Variants in FERMT3 observed in about 807,000 individuals in gnomAD.
FERMT3 encodes fermitin family homolog 3.
A neutral mutation model predicts 80.8 loss-of-function variants in FERMT3; 33 were observed. That is an observed-to-expected ratio of 0.41 (90% CI 0.31 to 0.55). The LOEUF is 0.55. FERMT3 is among the 20% of genes least tolerant of loss of function. The probability of loss-of-function intolerance (pLI) is 0.31; values close to 1 mark genes in which losing one functional copy is unlikely to be tolerated. For synonymous variants in FERMT3, 375 were observed against 372.2 expected, an observed-to-expected ratio of 1.01 and a Z score of -0.09; for missense variants, 754 against 908.7, an observed-to-expected ratio of 0.83 and a Z score of 2.19.
intron 6 of FERMT3, among the ~76,000 whole-genome samples, chr11:64,212,547 A>G (rs1009187300): frequency 6.6e-6 from 1 of 152,190 alleles, no homozygotes; most frequent in African/African-American, 2.4e-5. Flanking sequence ...TTCCCTGGCC[A>G]TGTCCCACCC....
chr11:64,210,759 G>A lies in FERMT3; in HGVS notation c.309G>A (p.Arg103=). The change falls in exon 3 of 15, where the codon CGG becomes CGA. Residue 103 remains arginine, a synonymous_variant. Transcript: ENST00000345728. This position sits in a 1 kb window ranked among gnomAD's most constrained non-coding sequence, Gnocchi z 4.3. Reference sequence around the variant, plus strand: ...CCCAGCACCGGCCCGTCATCCTTCGGTTGCCCAACCGCCGCGCACTGCGCC... The same window carrying A: ...CCCAGCACCGGCCCGTCATCCTTCGATTGCCCAACCGCCGCGCACTGCGCC... ...FGPQHRPVIL[R]LPNRRALRLR... is the part of the protein sequence containing the mutation. The A allele has an allele frequency of 6.2e-7, 1 of 1,614,140 alleles. No homozygotes were observed. Among genetic ancestry groups the A allele is most frequent in the Non-Finnish European group, 8.5e-7 (1 of 1,180,032 alleles).
chr11:64,223,056 G>A lies in FERMT3; in HGVS notation c.1679G>A (p.Gly560Asp), dbSNP rs2134903804. The A allele has an allele frequency of 6.2e-7, 1 of 1,613,604 alleles. No homozygotes were observed. Among genetic ancestry groups the A allele is most frequent in the Non-Finnish European group, 8.5e-7 (1 of 1,180,026 alleles). ...GISYVMVRFK[G>D]SRKDEILGIA... ...CTCTCCCTGGGGGCCAGGTTCAAGGGCAGCAGGAAAGACGAGATCCTGGGC... is the reference window on the plus strand; with the variant it reads ...CTCTCCCTGGGGGCCAGGTTCAAGGACAGCAGGAAAGACGAGATCCTGGGC... The change falls in exon 14 of 15, where the codon GGC becomes GAC. Residue 560 changes from glycine (G) to aspartate (D), a missense_variant. By Grantham distance (94) the Gly-to-Asp change is moderately conservative. Coordinates refer to ENST00000345728, the MANE Select transcript of FERMT3 (RefSeq NM_031471.6).
At chr11:64,209,975 C>T (rs570036332) in intron 2 of FERMT3, among the ~76,000 whole-genome samples, 5 of 152,308 alleles carry the variant, frequency 3.3e-5, no homozygotes, top group African/African-American at 1.2e-4. Context: ...ATTCAATGCT[C>T]ACTCATGGAT....
chr11:64,222,568 A>C (rs1189355804), intron 13 of FERMT3, among the ~76,000 whole-genome samples: 1 of 149,070 alleles, frequency 6.7e-6, no homozygotes, highest in African/African-American at 2.5e-5. Context: ...CGTCTCAAAA[A>C]AAAAAAAAAA....
chr11:64,214,617 G>A (rs1483782089), intron 6 of FERMT3, among the ~76,000 whole-genome samples: 1 of 152,158 alleles, frequency 6.6e-6, no homozygotes, highest in Non-Finnish European at 1.5e-5. Flanking sequence ...AATATGCTGG[G>A]ATTACAGGCG....
Position 64,221,059 on chromosome 11 carries a change from TGTC to T in FERMT3, c.1591_1593del (p.Ser531del). On this transcript the variant is annotated inframe_deletion, in exon 13 of 15. Transcript: ENST00000345728. ...GAAGCCCACCAGAATGTGGCCCAGT[TGTC>T]GCTGGCAGAGGCCCAGCTGCGCTTC... The T allele has an allele frequency of 6.2e-7, 1 of 1,612,812 alleles. No individual in the cohort carries two copies. The highest frequency in any genetic ancestry group is 1.1e-5 in the South Asian group (1 of 91,088).
At chr11:64,212,895 A>T (rs1401545618) in intron 6 of FERMT3, among the ~76,000 whole-genome samples, 2 of 151,430 alleles carry the variant, frequency 1.3e-5, no homozygotes, top group African/African-American at 4.9e-5. Context: ...TTATATATTT[A>T]TTTATTTTTA....
At chr11:64,221,699 C>A (rs999732216) in intron 13 of FERMT3, among the ~76,000 whole-genome samples, 1 of 150,706 alleles carries the variant, frequency 6.6e-6, no homozygotes, top group East Asian at 1.9e-4. Flanking sequence ...GAGGCCGAGG[C>A]GGGCAGATCA....
At chr11:64,216,866 G>T (rs1479746107) in intron 6 of FERMT3, among the ~76,000 whole-genome samples, 1 of 148,170 alleles carries the variant, frequency 6.7e-6, no homozygotes, top group Non-Finnish European at 1.5e-5. Flanking sequence ...CAAGGATTTT[G>T]ATTCACGTTT....
Position 64,211,043 on chromosome 11 carries a change from T to TC in FERMT3, c.395-5dup, listed in dbSNP as rs922178153. 1 of 1,603,416 alleles carries TC rather than the reference T, an allele frequency of 6.2e-7. No individual in the cohort carries two copies. The highest frequency in any genetic ancestry group is 8.5e-7 in the Non-Finnish European group (1 of 1,175,392). On this transcript the variant is annotated splice_polypyrimidine_tract_variant and intron_variant, in intron 3 of 14. Transcript: ENST00000345728. The surrounding 1 kb of genome is among the most constrained non-coding windows in gnomAD (Gnocchi z 4.7). The stretch of plus-strand genomic sequence containing the variant: ...ACCTAGTCCCCGCTGAGACCCTAGC[T>TC]CCCCTCAGGCATCCGGCACCCCGAG...
chr11:64,216,425 T>C (rs1353695185), intron 6 of FERMT3, among the ~76,000 whole-genome samples: 3 of 148,786 alleles, frequency 2.0e-5, no homozygotes, highest in Non-Finnish European at 3.0e-5. Context: ...GGTCTCAAAC[T>C]CCTGACCTCG....
At chr11:64,207,146 T>G (rs1156769050) in intron 1 of FERMT3, among the ~76,000 whole-genome samples, 1 of 152,098 alleles carries the variant, frequency 6.6e-6, no homozygotes, top group Non-Finnish European at 1.5e-5. Flanking sequence ...GACTACATGG[T>G]CTCTGAGGGC....
intron 6 of FERMT3, among the ~76,000 whole-genome samples, chr11:64,217,382 T>C (rs1946574290): frequency 6.6e-6 from 1 of 152,118 alleles, no homozygotes; most frequent in Non-Finnish European, 1.5e-5. Flanking sequence ...AAAGCCTGTA[T>C]CTACTAAAAA....
intron 6 of FERMT3, among the ~76,000 whole-genome samples, chr11:64,218,309 T>C (rs1483584099): frequency 3.3e-5 from 5 of 151,400 alleles, no homozygotes; most frequent in East Asian, 1.9e-4. Context: ...TGGCCTTCTT[T>C]TTCTTTCTTT....
Position 64,210,542 on chromosome 11 carries a change from G to A in FERMT3, c.161-69G>A. 6.7e-7 allele frequency: 1 copy of A among 1,496,694 alleles called. No homozygotes were observed. Among genetic ancestry groups the A allele is most frequent in the South Asian group, 1.1e-5 (1 of 87,748 alleles). The allele number at this position is 1,496,694 out of a possible 1,614,324, so 92.7% of individuals were successfully genotyped here. On this transcript the variant is annotated intron_variant, in intron 2 of 14. Transcript: ENST00000345728. The surrounding 1 kb of genome is among the most constrained non-coding windows in gnomAD (Gnocchi z 4.3). ...TGGTCGCCCCAGGCTTCTGAATCCTGGGGTTGTGCTGGGTGTTGGGGGCAC... is the reference window on the plus strand; with the variant it reads ...TGGTCGCCCCAGGCTTCTGAATCCTAGGGTTGTGCTGGGTGTTGGGGGCAC...
At position 64,218,000 on chromosome 11, in the gene FERMT3, C is replaced by CTTTTTTT. The variant is rs34718711; in HGVS notation, c.787-1236_787-1230dup. 2.6e-4 allele frequency among the ~76,000 whole-genome samples: 31 copies of CTTTTTTT among 119,494 alleles called. 1 individual carries two copies. Among genetic ancestry groups the CTTTTTTT allele is most frequent in the Admixed American group, 3.1e-4 (3 of 9,596 alleles). 78.4% of individuals were successfully genotyped at this position (119,494 alleles called of 152,430 possible). A position where few individuals can be genotyped will look rare whatever the true frequency, so the allele number is the denominator to read the frequency against. On this transcript the variant is annotated intron_variant, in intron 6 of 14. Transcript: ENST00000345728. ...CATCTTCCAAATTATTTCCTTTTTC[C>CTTTTTTT]TTTTTTTTTTTTTTTTTTTTTGTGA...
rs34872967 is a variant in FERMT3 at position 64,213,555 on chromosome 11, A to ATTTTT, written c.786+1823_786+1827dup. ...GGAGCGAGCCACTGCGCCTGGCCTAATTTTTTTTTTTTTTTTTTTGAGATG... is the reference window on the plus strand; with the variant it reads ...GGAGCGAGCCACTGCGCCTGGCCTAATTTTTTTTTTTTTTTTTTTTTTTTGAGATG... On this transcript the variant is annotated intron_variant, in intron 6 of 14. Coordinates refer to ENST00000345728, the MANE Select transcript of FERMT3 (RefSeq NM_031471.6). 1.7e-5 allele frequency among the ~76,000 whole-genome samples: 2 copies of ATTTTT among 120,708 alleles called. 1 individual carries two copies. The highest frequency in any genetic ancestry group is 3.3e-5 in the Non-Finnish European group (2 of 59,820). 79.2% of individuals were successfully genotyped at this position (120,708 alleles called of 152,430 possible).
rs766140675 is a variant in FERMT3 at position 64,207,496 on chromosome 11, G to T, written c.132G>T (p.Gly44=). The T allele has an allele frequency of 5.0e-6, 8 of 1,613,306 alleles. No individual in the cohort carries two copies. The South Asian group carries it at 6.6e-5, about 13-fold the overall frequency. ...LRVTGESHIG[G]VLLKIVEQIN... ...TCACTGGGGAGTCGCACATCGGCGGGGTGCTCCTGAAGATTGTGGAGCAGA... is the reference window on the plus strand; with the variant it reads ...TCACTGGGGAGTCGCACATCGGCGGTGTGCTCCTGAAGATTGTGGAGCAGA... The change falls in exon 2 of 15, where the codon GGG becomes GGT. Residue 44 remains glycine, a synonymous_variant. Coordinates refer to ENST00000345728, the MANE Select transcript of FERMT3 (RefSeq NM_031471.6).
chr11:64,211,698 C>T lies in FERMT3; in HGVS notation c.737C>T (p.Ala246Val), dbSNP rs762829818. Residue 246 changes from alanine (A) to valine (V), a missense_variant, in exon 6 of 15, where the codon GCA becomes GTA. Ala to Val is a moderately conservative substitution (Grantham distance 64). Transcript: ENST00000345728. This position sits in a 1 kb window ranked among gnomAD's most constrained non-coding sequence, Gnocchi z 4.7. ...LMQQGIKAGD[A>V]LWLRFKYYSF... ...CAGCAGGGCATCAAGGCCGGGGACG[C>T]ACTCTGGCTGCGCTTCAAGTACTAC... is the stretch of plus-strand genomic sequence containing the variant. 6 of 1,614,084 alleles carry T rather than the reference C, an allele frequency of 3.7e-6. No homozygotes were observed. The Admixed American group carries it at 8.3e-5, about 22-fold the overall frequency.
Sources: allele counts gnomAD v4.1 joint callset (sites outside exome capture counted in the v4.1 genomes callset), GRCh38; gene constraint gnomAD v4.1.1; non-coding constraint Gnocchi (gnomAD v3.1); transcripts MANE v1.5; gene names NCBI Gene and HGNC (gene_info 2026-07-23, HGNC 2026-07-21).